Variants in PATJ observed in about 807,000 individuals in gnomAD.
The protein encoded by PATJ is PATJ crumbs cell polarity complex component, also known as inaD-like protein.
PATJ carries 190 observed loss-of-function variants against 224.9 expected under a neutral mutation model. The ratio of observed to expected loss-of-function variants is 0.84; its 90% CI spans 0.75 to 0.95. The LOEUF is 0.95. PATJ is among the 40% of genes least tolerant of loss of function. PATJ has a pLI of 0.00. For missense variants in PATJ, 2,121 were observed against 2,270.3 expected (o/e 0.93, Z 1.34); for synonymous variants, 769 against 820.3 (o/e 0.94, Z 1.07).
At chr1:61,992,637 C>T (rs1361822706) in intron 28 of PATJ, among the ~76,000 whole-genome samples, 1 of 152,150 alleles carries the variant, frequency 6.6e-6, no homozygotes, top group African/African-American at 2.4e-5. Context: ...TATTAAGACT[C>T]AAGATGGAAT....
chr1:61,818,153 G>T (rs1656531476), intron 14 of PATJ, among the ~76,000 whole-genome samples: 1 of 152,136 alleles, frequency 6.6e-6, no homozygotes, highest in Non-Finnish European at 1.5e-5. Context: ...GATAGGTCTC[G>T]CCACTTGTGG....
intron 43 of PATJ, among the ~76,000 whole-genome samples, chr1:62,153,918 T>C (rs1184894693): frequency 6.6e-6 from 1 of 152,198 alleles, no homozygotes; most frequent in African/African-American, 2.4e-5. Context: ...TATTTTATTT[T>C]TTGAGAGGGA....
At chr1:61,781,139 T>C (rs1164954933) in intron 7 of PATJ, among the ~76,000 whole-genome samples, 1 of 152,188 alleles carries the variant, frequency 6.6e-6, no homozygotes, top group African/African-American at 2.4e-5. Context: ...CCCGTACCTG[T>C]TTGATTCTGA....
intron 15 of PATJ, among the ~76,000 whole-genome samples, chr1:61,824,448 CAG>C (rs1426896197): frequency 3.1e-5 from 4 of 129,480 alleles, no homozygotes; most frequent in Admixed American, 9.0e-5. Context: ...TTTTTAGAGT[CAG>C]AGTCTCACCC....
chr1:62,050,136 A>G (rs1256649559), intron 30 of PATJ, among the ~76,000 whole-genome samples: 1 of 151,572 alleles, frequency 6.6e-6, no homozygotes, highest in Admixed American at 6.6e-5. Context: ...AAAAAAAAAA[A>G]AATTCATTTA....
chr1:62,161,079 A>G lies in PATJ; in HGVS notation c.*25A>G, dbSNP rs558239862. 5.7e-6 allele frequency: 8 copies of G among 1,401,360 alleles called. No individual in the cohort carries two copies. The highest frequency in any genetic ancestry group is 3.1e-5 in the Admixed American group (1 of 32,558). The allele number at this position is 1,401,360 out of a possible 1,614,324, so 86.8% of individuals were successfully genotyped here. ...AGCCTCGGGCCTGATCACAAGATAG[A>G]TGTTGTTGTTTAGAATATCCACAGG... On this transcript the variant is annotated 3_prime_UTR_variant, in exon 44 of 44. Transcript: ENST00000642238.
intron 26 of PATJ, among the ~76,000 whole-genome samples, chr1:61,925,586 T>A (rs1274283880): frequency 6.6e-6 from 1 of 152,170 alleles, no homozygotes; most frequent in Non-Finnish European, 1.5e-5. Context: ...TAAATGGGCT[T>A]AAACAGCTCA....
At chr1:62,019,714 C>G (rs1262577468) in intron 29 of PATJ, among the ~76,000 whole-genome samples, 1 of 151,386 alleles carries the variant, frequency 6.6e-6, no homozygotes, top group Non-Finnish European at 1.5e-5. Context: ...TTTTGGTTTT[C>G]TTGTCCTTTC....
intron 28 of PATJ, among the ~76,000 whole-genome samples, chr1:61,993,273 C>T (rs1270056721): frequency 6.6e-6 from 1 of 152,140 alleles, no homozygotes; most frequent in Non-Finnish European, 1.5e-5. Flanking sequence ...TACAGGTGAA[C>T]AACCAGATGA....
intron 8 of PATJ, among the ~76,000 whole-genome samples, chr1:61,789,966 T>C (rs979786413): frequency 1.3e-5 from 2 of 152,200 alleles, no homozygotes; most frequent in Non-Finnish European, 2.9e-5. Context: ...TTCATGTTAA[T>C]GTTTTGAATT....
At chr1:62,124,056 G>T (rs1665413884) in intron 39 of PATJ, among the ~76,000 whole-genome samples, 1 of 151,886 alleles carries the variant, frequency 6.6e-6, no homozygotes, top group East Asian at 1.9e-4. Flanking sequence ...CCTGTGTGAT[G>T]ATATCTAATG....
At chr1:61,935,908 C>T (rs1290071459) in intron 27 of PATJ, among the ~76,000 whole-genome samples, 2 of 152,048 alleles carry the variant, frequency 1.3e-5, no homozygotes, top group African/African-American at 4.8e-5. Context: ...ATTTTAAGAA[C>T]AGGATACTAG....
intron 14 of PATJ, among the ~76,000 whole-genome samples, chr1:61,821,189 C>T (rs777526315): frequency 2.6e-5 from 4 of 152,074 alleles, no homozygotes; most frequent in South Asian, 4.2e-4. Flanking sequence ...GGACTACAGG[C>T]GCCTGCCACC....
intron 14 of PATJ, among the ~76,000 whole-genome samples, chr1:61,812,630 C>T (rs188327872): frequency 1.3e-5 from 2 of 152,054 alleles, no homozygotes; most frequent in African/African-American, 4.8e-5. Flanking sequence ...AGGAAGATCA[C>T]CTGAGGTCAG....
In PATJ at chr1:61,864,390, G is replaced by A. The variant is rs114708702; in HGVS notation, c.2592G>A (p.Met864Ile). The A allele has an allele frequency of 7.3e-4, 1,183 of 1,614,032 alleles. 8 individuals carry two copies. In the African/African-American group the frequency reaches 7.7e-3, roughly 11 times the overall value. Residue 864 changes from methionine (M) to isoleucine (I), a missense_variant, in exon 20 of 44, where the codon ATG (methionine) becomes ATA (isoleucine). Transcript: ENST00000642238. Reference protein sequence around the residue: ...HEFLTPRLQEMDEEREILVDE... With the variant: ...HEFLTPRLQEIDEEREILVDE... ...TTCTGACTCCTAGATTGCAGGAAAT[G>A]GATGAAGAAAGAGAAATTCTTGTTG...
intron 35 of PATJ, 56 bp from the exon 36 acceptor site, chr1:62,116,476 T>C (rs1246507983): frequency 1.6e-5 from 25 of 1,582,826 alleles, no homozygotes; most frequent in Non-Finnish European, 2.2e-5. Context: ...CACACACGTA[T>C]TATGCATGGA....
intron 41 of PATJ, among the ~76,000 whole-genome samples, chr1:62,146,547 A>C (rs1469605130): frequency 1.3e-5 from 2 of 152,110 alleles, no homozygotes; most frequent in African/African-American, 4.8e-5. Flanking sequence ...AGGCCGAGGC[A>C]GGCAGATCAC....
Position 61,763,189 on chromosome 1 carries a change from C to T in PATJ, c.189+10C>T. On this transcript the variant is annotated intron_variant, in intron 3 of 43. Transcript: ENST00000642238. ...GCAACTGAAGGGTCAAGTAAGTTAC[C>T]CATCAGAGTTTTACATTAATATATT... 6.6e-7 allele frequency: 1 copy of T among 1,512,700 alleles called. No homozygotes were observed. The highest frequency in any genetic ancestry group is 2.3e-5 in the East Asian group (1 of 43,346). 93.7% of individuals were successfully genotyped at this position (1,512,700 alleles called of 1,614,324 possible).
chr1:61,917,334 A>G (rs1157596025), intron 26 of PATJ, among the ~76,000 whole-genome samples: 1 of 152,144 alleles, frequency 6.6e-6, no homozygotes, highest in Non-Finnish European at 1.5e-5. Flanking sequence ...TGACAGTTAT[A>G]ATTTTTGCAA....
Sources: gnomAD v4.1 joint callset for allele counts (sites outside exome capture counted in the v4.1 genomes callset) on GRCh38, gnomAD v4.1.1 for gene constraint, MANE v1.5 for transcripts, NCBI Gene and HGNC (gene_info 2026-07-23, HGNC 2026-07-21) for gene names.